Variants in BRAF observed in about 807,000 individuals in gnomAD.
BRAF encodes the protein B-Raf proto-oncogene, serine/threonine kinase, also known as serine/threonine-protein kinase B-raf.
Under a neutral mutation model 104.6 loss-of-function variants are expected in BRAF, and 16 were observed. The ratio of observed to expected loss-of-function variants is 0.15; its 90% CI spans 0.10 to 0.23. The LOEUF is 0.23. BRAF is among the 10% of genes least tolerant of loss of function. BRAF has a pLI of 1.00. For synonymous variants in BRAF, 310 were observed against 341.6 expected, an observed-to-expected ratio of 0.91 and a Z score of 1.02; for missense variants, 541 against 937.3, an observed-to-expected ratio of 0.58 and a Z score of 5.52.
chr7:140,920,103 G>C (rs1477070988), intron 1 of BRAF, among the ~76,000 whole-genome samples: 2 of 152,108 alleles, frequency 1.3e-5, no homozygotes, highest in Non-Finnish European at 2.9e-5. Flanking sequence ...TTCTGATGAA[G>C]ACAAAATCTA....
Position 140,724,642 on chromosome 7 carries a change from T to A in BRAF, c.*1852A>T. On this transcript the variant is annotated 3_prime_UTR_variant, in exon 20 of 20. Transcript: ENST00000644969. ...GAATACATGTATGTTAGCAAAAATC[T>A]AATGGTAGTGAGCTTTTAGTGGCTG... 9.7e-7 allele frequency: 1 copy of A among 1,036,006 alleles called. No homozygotes were observed. Among genetic ancestry groups the A allele is most frequent in the South Asian group, 4.6e-5 (1 of 21,712 alleles). The allele number at this position is 1,036,006 out of a possible 1,614,324, so 64.2% of individuals were successfully genotyped here.
At chr7:140,800,289 T>G in intron 7 of BRAF, 73 bp downstream of exon 7, 1 of 1,607,358 alleles carries the variant, frequency 6.2e-7, no homozygotes, top group Middle Eastern at 1.9e-4. Flanking sequence ...TGGAAAGGTT[T>G]CTAATTAACC....
At chr7:140,782,273 T>C (rs1800953570) in intron 11 of BRAF, among the ~76,000 whole-genome samples, 1 of 152,174 alleles carries the variant, frequency 6.6e-6, no homozygotes, top group South Asian at 2.1e-4. Context: ...ATTACTGAAA[T>C]AAGTAAAATG....
chr7:140,800,574 T>G, intron 6 of BRAF, 93 bp from the exon 7 acceptor site: 3 of 1,566,750 alleles, frequency 1.9e-6, no homozygotes, highest in Non-Finnish European at 2.6e-6. Flanking sequence ...TGAGATCAAA[T>G]TCCATTCTCA....
intron 7 of BRAF, among the ~76,000 whole-genome samples, chr7:140,797,786 A>T (rs73491871): frequency 0.11 from 16,915 of 152,208 alleles, 1,139 homozygotes; most frequent in African/African-American, 0.19. Flanking sequence ...TTAGAAAGGC[A>T]TCATGGTCTA....
At chr7:140,876,316 A>T (rs1009612457) in intron 1 of BRAF, among the ~76,000 whole-genome samples, 2 of 152,180 alleles carry the variant, frequency 1.3e-5, no homozygotes, top group African/African-American at 4.8e-5. Flanking sequence ...CTATATGGAG[A>T]GTTAAGAATT....
At chr7:140,877,154 A>G (rs2129099465) in intron 1 of BRAF, among the ~76,000 whole-genome samples, 1 of 152,310 alleles carries the variant, frequency 6.6e-6, no homozygotes, top group Admixed American at 6.5e-5. Context: ...GGTTAATCCC[A>G]GGACCACAAG....
chr7:140,850,306 G>A, intron 1 of BRAF, 94 bp from the exon 2 acceptor site: 2 of 958,798 alleles, frequency 2.1e-6, no homozygotes, highest in South Asian at 2.9e-5. Context: ...GTAACTGCCA[G>A]TGTTCCTCAA....
At chr7:140,854,492 C>T (rs1221082020) in intron 1 of BRAF, among the ~76,000 whole-genome samples, 1 of 147,924 alleles carries the variant, frequency 6.8e-6, no homozygotes, top group Non-Finnish European at 1.5e-5. Flanking sequence ...CCCACACTCC[C>T]TTTTTTTTTT....
intron 3 of BRAF, among the ~76,000 whole-genome samples, chr7:140,816,525 C>CGTT (rs1333744986): frequency 6.6e-6 from 1 of 152,086 alleles, no homozygotes; most frequent in Non-Finnish European, 1.5e-5. Context: ...TTGATTATAG[C>CGTT]ATAACTAGGG....
intron 1 of BRAF, among the ~76,000 whole-genome samples, chr7:140,879,782 A>C (rs1812683201): frequency 6.7e-6 from 1 of 148,402 alleles, no homozygotes; most frequent in Admixed American, 6.8e-5. Flanking sequence ...CCAGGGTGGG[A>C]GTACAGTGGC....
At chr7:140,887,978 T>C (rs2129111775) in intron 1 of BRAF, among the ~76,000 whole-genome samples, 1 of 152,096 alleles carries the variant, frequency 6.6e-6, no homozygotes, top group East Asian at 1.9e-4. Flanking sequence ...GTTCAAGTGA[T>C]TCTCCTGCCT....
downstream of BRAF, among the ~76,000 whole-genome samples, chr7:140,715,007 CA>C (rs1795105582): frequency 6.6e-6 from 1 of 152,132 alleles, no homozygotes; most frequent in African/African-American, 2.4e-5. Flanking sequence ...ACAGAAAGTC[CA>C]GGGCATCTCC....
In BRAF at chr7:140,723,050, A is replaced by C. The variant is rs1327123060; in HGVS notation, c.*3444T>G. ...CCTGACTTTTCATATTTTAAAATAAATAACTATTCATTACCTCATTCTGAA... is the reference window on the plus strand; with the variant it reads ...CCTGACTTTTCATATTTTAAAATAACTAACTATTCATTACCTCATTCTGAA... On this transcript the variant is annotated 3_prime_UTR_variant, in exon 20 of 20. Transcript: ENST00000644969. 2 of 1,051,350 alleles carry C rather than the reference A, an allele frequency of 1.9e-6. No homozygotes were observed. Among genetic ancestry groups the C allele is most frequent in the Non-Finnish European group, 2.3e-6 (2 of 870,524 alleles). 65.1% of individuals were successfully genotyped at this position (1,051,350 alleles called of 1,614,324 possible). A position where few individuals can be genotyped will look rare whatever the true frequency, so the allele number is the denominator to read the frequency against.
intron 1 of BRAF, among the ~76,000 whole-genome samples, chr7:140,869,981 AAG>A (rs1437531929): frequency 0.01 from 1,592 of 152,140 alleles, 33 homozygotes; most frequent in African/African-American, 0.036. Context: ...CAACCAAAAA[AAG>A]GAAGAAAGAA....
Position 140,785,742 on chromosome 7 carries a change from T to A in BRAF, c.1244A>T (p.His415Leu), listed in dbSNP as rs1026592386. 3 of 398,862 alleles carry A rather than the reference T, an allele frequency of 7.5e-6. No homozygotes were observed. The highest frequency in any genetic ancestry group is 1.3e-5 in the Non-Finnish European group (3 of 226,100). 24.7% of individuals were successfully genotyped at this position (398,862 alleles called of 1,614,324 possible). ...AAACACTATTTCACTGGGGACAGAA[T>A]GTAGGAGGGGACTGGGAGTCCGGGA... ...YQSRTPSPLL[H>L]SVPSEIVFDF... The change falls in exon 10 of 20, where the codon CAT becomes CTT. Residue 415 changes from histidine to leucine, a missense_variant. His to Leu is a moderately conservative substitution (Grantham distance 99, BLOSUM62 -3). Around this residue, in one of 10 missense-constraint regions of BRAF, gnomAD observed 109 missense variants for 143.9 expected, o/e 0.76. Coordinates refer to ENST00000644969, the MANE Select transcript of BRAF (RefSeq NM_001374258.1).
At chr7:140,887,099 C>G (rs11977231) in intron 1 of BRAF, among the ~76,000 whole-genome samples, 4,320 of 152,258 alleles carry the variant, frequency 0.028, 209 homozygotes, top group African/African-American at 0.097. Flanking sequence ...GAGTAACTGA[C>G]CATTCCAAAA....
intron 19 of BRAF, among the ~76,000 whole-genome samples, chr7:140,729,209 T>A (rs1795793061): frequency 6.6e-6 from 1 of 152,076 alleles, no homozygotes; most frequent in Admixed American, 6.6e-5. Flanking sequence ...CACTCCAGCC[T>A]GAGTAACGAA....
chr7:140,796,887 A>C (rs1158055171), intron 7 of BRAF, among the ~76,000 whole-genome samples: 2 of 152,190 alleles, frequency 1.3e-5, no homozygotes, highest in East Asian at 3.8e-4. Flanking sequence ...CAAGAAGTCT[A>C]ATTTACATAA....
Sources: allele counts gnomAD v4.1 joint callset (sites outside exome capture counted in the v4.1 genomes callset), GRCh38; gene constraint gnomAD v4.1.1; regional missense constraint gnomAD v4.1.1; transcripts MANE v1.5; gene names NCBI Gene and HGNC (gene_info 2026-07-23, HGNC 2026-07-21).